The following RBFOX1 variants were observed in gnomAD, a reference collection of about 807,000 sequenced individuals.
The protein encoded by RBFOX1 is RNA binding protein fox-1 homolog 1.
Under a neutral mutation model 57.7 loss-of-function variants are expected in RBFOX1, and 8 were observed. The observed-to-expected ratio is 0.14, with a 90% CI of 0.08 to 0.25. The LOEUF (loss-of-function observed/expected upper bound fraction) is 0.25. RBFOX1 is among the 10% of genes least tolerant of loss of function. RBFOX1 has a pLI of 1.00. For synonymous variants in RBFOX1, 326 were observed against 222.4 expected, an observed-to-expected ratio of 1.47 and a Z score of -4.15; for missense variants, 611 against 548.5, an observed-to-expected ratio of 1.11 and a Z score of -1.14.
At chr16:6,931,589 A>C (rs948940135) in intron 3 of RBFOX1, among the ~76,000 whole-genome samples, 1 of 152,112 alleles carries the variant, frequency 6.6e-6, no homozygotes, top group Admixed American at 6.6e-5. Flanking sequence ...TACAATGGAC[A>C]ACATATCCCA....
intron 3 of RBFOX1, among the ~76,000 whole-genome samples, chr16:5,687,123 C>A (rs558618270): frequency 6.6e-6 from 1 of 152,162 alleles, no homozygotes; most frequent in Admixed American, 6.6e-5. Flanking sequence ...ATTACCCTGT[C>A]TACTCTTTTA....
At chr16:6,902,437 G>A (rs1329697456) in intron 3 of RBFOX1, among the ~76,000 whole-genome samples, 1 of 152,138 alleles carries the variant, frequency 6.6e-6, no homozygotes, top group East Asian at 1.9e-4. Context: ...AGGAAAAGGT[G>A]GTTTTGCCAG....
At chr16:5,755,857 C>T (rs2053376059) in intron 3 of RBFOX1, among the ~76,000 whole-genome samples, 1 of 152,150 alleles carries the variant, frequency 6.6e-6, no homozygotes, top group African/African-American at 2.4e-5. Flanking sequence ...CTCGGCCTCC[C>T]AAAGTGCTGG....
chr16:6,764,895 C>A (rs1376347485), intron 3 of RBFOX1, among the ~76,000 whole-genome samples: 1 of 151,954 alleles, frequency 6.6e-6, no homozygotes, highest in Admixed American at 6.6e-5. Flanking sequence ...CGAGATTGTG[C>A]CACTGCACTC....
chr16:5,557,854 C>T (rs550875290), intron 2 of RBFOX1, among the ~76,000 whole-genome samples: 4 of 152,188 alleles, frequency 2.6e-5, no homozygotes, highest in East Asian at 1.9e-4. Flanking sequence ...TCGTCCTGGC[C>T]CCGTATAAAC....
chr16:6,617,328 A>G (rs10521255), intron 2 of RBFOX1, among the ~76,000 whole-genome samples: 1 of 152,022 alleles, frequency 6.6e-6, no homozygotes, highest in Non-Finnish European at 1.5e-5. Flanking sequence ...TCAAAAACAG[A>G]TAGGCAGTTG....
At chr16:7,382,058 G>T (rs1009978089) in intron 4 of RBFOX1, among the ~76,000 whole-genome samples, 1 of 152,252 alleles carries the variant, frequency 6.6e-6, no homozygotes, top group South Asian at 2.1e-4. Flanking sequence ...TTATAAATCA[G>T]TTGGAAGTTG....
chr16:7,676,072 T>A (rs2146380265), intron 13 of RBFOX1, among the ~76,000 whole-genome samples: 1 of 152,366 alleles, frequency 6.6e-6, no homozygotes, highest in South Asian at 2.1e-4. Flanking sequence ...CTTTTCAGAT[T>A]TTTTCTGTTA....
intron 4 of RBFOX1, among the ~76,000 whole-genome samples, chr16:5,893,649 A>G (rs186176849): frequency 2.8e-4 from 42 of 152,252 alleles, no homozygotes; most frequent in African/African-American, 9.1e-4. Flanking sequence ...TCCACTAAAA[A>G]TAAAAAATTA....
At chr16:6,255,505 CT>C (rs999600586) in intron 1 of RBFOX1, among the ~76,000 whole-genome samples, 1 of 152,076 alleles carries the variant, frequency 6.6e-6, no homozygotes, top group Non-Finnish European at 1.5e-5. Context: ...GTGATTTTGA[CT>C]ATAAGACCCA....
At chr16:6,790,446 A>G (rs974389595) in intron 3 of RBFOX1, among the ~76,000 whole-genome samples, 4 of 151,970 alleles carry the variant, frequency 2.6e-5, no homozygotes, top group African/African-American at 4.8e-5. Flanking sequence ...CGGCCTCCCA[A>G]AGTGCTGGGA....
intron 3 of RBFOX1, among the ~76,000 whole-genome samples, chr16:5,729,919 G>C (rs1325809876): frequency 6.6e-6 from 1 of 152,200 alleles, no homozygotes; most frequent in Non-Finnish European, 1.5e-5. Flanking sequence ...CAGGGAAGCT[G>C]CTTCTCTTGC....
At chr16:7,453,583 G>A (rs1041727310) in intron 4 of RBFOX1, among the ~76,000 whole-genome samples, 1 of 152,122 alleles carries the variant, frequency 6.6e-6, no homozygotes, top group Non-Finnish European at 1.5e-5. Flanking sequence ...AAAACAAATG[G>A]CACTTTGATG....
rs191820041 is a variant in RBFOX1 at position 6,406,210 on chromosome 16, T to C, written c.-64+89153T>C. ...GAATGCTCTGTCATTGAAGCATTTCTCTGGGGACCTCAGATTCTCTTTACA... is the reference window on the plus strand; with the variant it reads ...GAATGCTCTGTCATTGAAGCATTTCCCTGGGGACCTCAGATTCTCTTTACA... On this transcript the variant is annotated intron_variant, in intron 2 of 15. Transcript: ENST00000550418. Among the ~76,000 whole-genome samples, 9 of 152,346 alleles carry C rather than the reference T, an allele frequency of 5.9e-5. No individual in the cohort carries two copies. In the East Asian group the frequency reaches 1.5e-3, roughly 26 times the overall value.
chr16:6,604,442 G>C (rs961499420), intron 2 of RBFOX1, among the ~76,000 whole-genome samples: 1 of 152,054 alleles, frequency 6.6e-6, no homozygotes, highest in Non-Finnish European at 1.5e-5. Flanking sequence ...CTCCTGAATA[G>C]CTGTGCATTC....
intron 2 of RBFOX1, among the ~76,000 whole-genome samples, chr16:6,347,431 G>A (rs542878542): frequency 1.3e-5 from 2 of 152,326 alleles, no homozygotes; most frequent in South Asian, 4.1e-4. Context: ...CGTGAAGGTA[G>A]ATGCTAAACA....
At chr16:6,379,616 A>G (rs2091580124) in intron 2 of RBFOX1, among the ~76,000 whole-genome samples, 2 of 151,560 alleles carry the variant, frequency 1.3e-5, no homozygotes, top group Non-Finnish European at 2.9e-5. Context: ...AGAATCATTC[A>G]TGTCAAATGG....
At chr16:7,408,323 A>T (rs534042300) in intron 4 of RBFOX1, among the ~76,000 whole-genome samples, 1 of 152,328 alleles carries the variant, frequency 6.6e-6, no homozygotes, top group East Asian at 1.9e-4. Context: ...ACAGCAGAAG[A>T]ACTTTTAATA....
At chr16:6,798,356 T>G (rs1278222472) in intron 3 of RBFOX1, among the ~76,000 whole-genome samples, 1 of 152,108 alleles carries the variant, frequency 6.6e-6, no homozygotes, top group Non-Finnish European at 1.5e-5. Flanking sequence ...ATTGATGGAT[T>G]TGGGCAAACG....
Sources: allele counts gnomAD v4.1 joint callset (sites outside exome capture counted in the v4.1 genomes callset), GRCh38; gene constraint gnomAD v4.1.1; transcripts MANE v1.5; gene names NCBI Gene and HGNC (gene_info 2026-07-23, HGNC 2026-07-21).